Variants in TSNAX observed in about 807,000 individuals in gnomAD.
TSNAX encodes the protein translin-associated protein X.
TSNAX carries 12 observed loss-of-function variants against 33.0 expected under a neutral mutation model. The ratio of observed to expected loss-of-function variants is 0.36; its 90% CI spans 0.23 to 0.59. The LOEUF (loss-of-function observed/expected upper bound fraction) is 0.59. TSNAX is among the 20% of genes least tolerant of loss of function. TSNAX has a pLI of 0.74. For missense variants in TSNAX, 267 were observed against 341.3 expected, an observed-to-expected ratio of 0.78 and a Z score of 1.72; for synonymous variants, 110 against 117.2, an observed-to-expected ratio of 0.94 and a Z score of 0.40.
chr1:231,531,952 C>T (rs1572096583), intron 2 of TSNAX, among the ~76,000 whole-genome samples: 1 of 151,788 alleles, frequency 6.6e-6, no homozygotes, highest in Non-Finnish European at 1.5e-5. Context: ...TGCTTATAGT[C>T]CTGGCTACTC....
At chr1:231,557,821 C>T (rs951997392) in intron 4 of TSNAX, among the ~76,000 whole-genome samples, 2 of 152,076 alleles carry the variant, frequency 1.3e-5, no homozygotes, top group Admixed American at 6.5e-5. Context: ...GAAGTAATAC[C>T]ATTATTTATT....
chr1:231,529,591 CATT>C (rs1300031199), intron 2 of TSNAX, among the ~76,000 whole-genome samples: 1 of 152,106 alleles, frequency 6.6e-6, no homozygotes, highest in African/African-American at 2.4e-5. Flanking sequence ...AAACAGTAAA[CATT>C]AATTAATATT....
intron 5 of TSNAX, among the ~76,000 whole-genome samples, chr1:231,564,202 A>T (rs1661288465): frequency 1.3e-5 from 2 of 152,318 alleles, no homozygotes; most frequent in South Asian, 4.1e-4. Context: ...TCGTGCAATA[A>T]AGTTATTAAG....
Position 231,565,263 on chromosome 1 carries a change from T to A in TSNAX, c.*358T>A, listed in dbSNP as rs1572156634. The stretch of plus-strand genomic sequence containing the variant: ...AGTGATAATTTTTAGTGGAAGCAAT[T>A]TGTAATTTAAGTTGGTAGTTATATT... On this transcript the variant is annotated 3_prime_UTR_variant, in exon 6 of 6. Transcript: ENST00000366639. The A allele has an allele frequency of 1.2e-5, 2 of 166,822 alleles. No individual in the cohort carries two copies. Among genetic ancestry groups the A allele is most frequent in the East Asian group, 3.4e-4 (2 of 5,928 alleles). 10.3% of individuals were successfully genotyped at this position (166,822 alleles called of 1,614,324 possible). A position where few individuals can be genotyped will look rare whatever the true frequency, so the allele number is the denominator to read the frequency against.
At chr1:231,532,159 C>CACACACACACACACACACACACACAG (rs1658782954) in intron 2 of TSNAX, among the ~76,000 whole-genome samples, 2 of 89,350 alleles carry the variant, frequency 2.2e-5, no homozygotes, top group East Asian at 4.3e-4. Flanking sequence ...CACACACACA[C>CACACACACACACACACACACACACAG]ACACACACAC....
At position 231,528,822 on chromosome 1, in the gene TSNAX, A is replaced by T. The variant is rs759364454; in HGVS notation, c.12A>T (p.Lys4Asn). 3 of 1,614,064 alleles carry T rather than the reference A, an allele frequency of 1.9e-6. No individual in the cohort carries two copies. Among genetic ancestry groups the T allele is most frequent in the Admixed American group, 1.7e-5 (1 of 60,008 alleles). The change falls in exon 1 of 6, where the codon AAA (lysine) becomes AAT (asparagine). Residue 4 changes from lysine to asparagine, a missense_variant. Physicochemically the swap from Lys to Asn is moderately conservative, Grantham distance 94. Coordinates refer to ENST00000366639, the MANE Select transcript of TSNAX (RefSeq NM_005999.3). MSN[K>N]EGSGGFRKRK... ...TAGGCTGTGACGACATGAGCAACAA[A>T]GAAGGTGGCGTCCTTAACAACACGG...
Position 231,553,682 on chromosome 1 carries a change from C to CTT in TSNAX, c.368-7430_368-7429dup, listed in dbSNP as rs5781656. Among the ~76,000 whole-genome samples the CTT allele has an allele frequency of 8.7e-3, 1,168 of 133,684 alleles. 15 individuals are homozygous for CTT. Among genetic ancestry groups the CTT allele is most frequent in the African/African-American group, 0.022 (772 of 35,552 alleles). The allele number at this position is 133,684 out of a possible 152,430, so 87.7% of individuals were successfully genotyped here. On this transcript the variant is annotated intron_variant, in intron 4 of 5. Transcript: ENST00000366639. ...GCATGAAACCTAATTTCTTTCTTTC[C>CTT]TTTTTTTTTTTTTTTTTCTTTGAGA...
Position 231,565,011 on chromosome 1 carries a change from A to T in TSNAX, c.*106A>T. Reference sequence around the variant, plus strand: ...ACTTTATTGTGGCTTTTACATAGAAACATATTCAGTTGTACTTGTTTTAAA... The same window carrying T: ...ACTTTATTGTGGCTTTTACATAGAATCATATTCAGTTGTACTTGTTTTAAA... On this transcript the variant is annotated 3_prime_UTR_variant, in exon 6 of 6. Coordinates refer to ENST00000366639, the MANE Select transcript of TSNAX (RefSeq NM_005999.3). The T allele has an allele frequency of 7.5e-7, 1 of 1,332,870 alleles. No homozygotes were observed. Among genetic ancestry groups the T allele is most frequent in the Non-Finnish European group, 1.0e-6 (1 of 984,272 alleles). 82.6% of individuals were successfully genotyped at this position (1,332,870 alleles called of 1,614,324 possible).
chr1:231,544,127 T>C (rs547525149), intron 4 of TSNAX, among the ~76,000 whole-genome samples: 12 of 152,290 alleles, frequency 7.9e-5, no homozygotes, highest in African/African-American at 2.9e-4. Flanking sequence ...GTGTGTAATC[T>C]TGAGGGCTAC....
Position 231,562,193 on chromosome 1 carries a change from T to C in TSNAX, c.495+938T>C, listed in dbSNP as rs964539141. Among the ~76,000 whole-genome samples the C allele has an allele frequency of 1.0e-4, 15 of 148,430 alleles. No individual in the cohort carries two copies. In the East Asian group the frequency reaches 2.7e-3, roughly 27 times the overall value. On this transcript the variant is annotated intron_variant, in intron 5 of 5. Coordinates refer to ENST00000366639, the MANE Select transcript of TSNAX (RefSeq NM_005999.3). ...ATATTAAATTATTAAATTATTAATT[T>C]AATTTACTAAATATTAAATATTTAA...
intron 4 of TSNAX, chr1:231,542,977 G>A (rs1318040934): frequency 6.5e-6 from 1 of 154,410 alleles, no homozygotes; most frequent in Non-Finnish European, 1.4e-5. Flanking sequence ...AGGAGTTCGA[G>A]ACCAGCCTGG....
At chr1:231,551,955 G>A (rs979916530) in intron 4 of TSNAX, among the ~76,000 whole-genome samples, 4 of 152,086 alleles carry the variant, frequency 2.6e-5, no homozygotes, top group African/African-American at 9.7e-5. Flanking sequence ...TTGTGCCACT[G>A]CACTCCAGCC....
At chr1:231,530,067 A>C (rs1240496275) in intron 2 of TSNAX, among the ~76,000 whole-genome samples, 1 of 152,228 alleles carries the variant, frequency 6.6e-6, no homozygotes, top group African/African-American at 2.4e-5. Context: ...GTTCCTGTCC[A>C]CATGAACTTC....
rs1053953137 is a variant in TSNAX, at chr1:231,564,988, T to A, written c.*83T>A. The stretch of plus-strand genomic sequence containing the variant: ...AGACTTATTTAGTATTTCATTTAAC[T>A]TTATTGTGGCTTTTACATAGAAACA... On this transcript the variant is annotated 3_prime_UTR_variant, in exon 6 of 6. Transcript: ENST00000366639. 1.4e-5 allele frequency: 20 copies of A among 1,476,372 alleles called. No individual in the cohort carries two copies. In the East Asian group the frequency reaches 4.6e-4, roughly 34 times the overall value. The allele number at this position is 1,476,372 out of a possible 1,614,324, so 91.5% of individuals were successfully genotyped here.
intron 2 of TSNAX, among the ~76,000 whole-genome samples, 176 bp downstream of exon 2, chr1:231,529,535 A>C (rs979051007): frequency 1.3e-5 from 2 of 152,252 alleles, no homozygotes; most frequent in Admixed American, 6.5e-5. Flanking sequence ...TTTATGTCCC[A>C]TTAAGAGAAA....
rs1276065879 is a variant in TSNAX at position 231,528,690 on chromosome 1, G to T, written c.-121G>T. On this transcript the variant is annotated 5_prime_UTR_variant, in exon 1 of 6. Coordinates refer to ENST00000366639, the MANE Select transcript of TSNAX (RefSeq NM_005999.3). ...ACTTCCGGCCACTGCGTTGTAGTCG[G>T]CCCGGCTGCAAAGCGTTTTTCTGCA... The T allele has an allele frequency of 9.5e-6, 11 of 1,158,414 alleles. No homozygotes were observed. In the East Asian group the frequency reaches 1.2e-4, roughly 13 times the overall value. The allele number at this position is 1,158,414 out of a possible 1,614,324, so 71.8% of individuals were successfully genotyped here.
At chr1:231,546,295 A>T (rs1659909184) in intron 4 of TSNAX, among the ~76,000 whole-genome samples, 1 of 152,230 alleles carries the variant, frequency 6.6e-6, no homozygotes, top group South Asian at 2.1e-4. Context: ...CATATGCTTT[A>T]TCTGATGATT....
intron 5 of TSNAX, among the ~76,000 whole-genome samples, chr1:231,561,657 A>C (rs1661123765): frequency 1.3e-5 from 2 of 152,346 alleles, no homozygotes; most frequent in South Asian, 4.1e-4. Context: ...GCCAGAAGCC[A>C]CAACTAAAAA....
At chr1:231,563,245 C>T (rs754562378) in intron 5 of TSNAX, among the ~76,000 whole-genome samples, 7 of 152,218 alleles carry the variant, frequency 4.6e-5, no homozygotes, top group Non-Finnish European at 1.0e-4. Context: ...CCCTTTTATA[C>T]ATACCGTCTT....
Sources: allele counts gnomAD v4.1 joint callset (sites outside exome capture counted in the v4.1 genomes callset), GRCh38; gene constraint gnomAD v4.1.1; transcripts MANE v1.5; gene names NCBI Gene and HGNC (gene_info 2026-07-23, HGNC 2026-07-21).